Variants in PLAC1 observed in about 807,000 individuals in gnomAD.
The protein encoded by PLAC1 is placenta associated 1, also known as placenta-specific protein 1.
For synonymous variants in PLAC1, 68 were observed against 62.1 expected, an observed-to-expected ratio of 1.09 and a Z score of -0.44; for missense variants, 136 against 163.2, an observed-to-expected ratio of 0.83 and a Z score of 0.91.
At chrX:134,729,566 G>A (rs1044803327) in intron 2 of PLAC1, among the ~76,000 whole-genome samples, 4 of 110,910 alleles carry the variant, frequency 3.6e-5, no homozygotes, top group South Asian at 3.8e-4. Context: ...GTTTCCAAAC[G>A]GGACTGACAC....
chrX:134,623,565 A>G lies in PLAC1; in HGVS notation c.-130-21443T>C, dbSNP rs943252191. ...GAGGCACAGAAAGGTTAATTAACTC[A>G]CTGGAGGTAAACAGCTAGTAAGCAC... On this transcript the variant is annotated intron_variant, in intron 1 of 2. Coordinates refer to ENST00000359237, the MANE Select transcript of PLAC1 (RefSeq NM_021796.4). 2.7e-5 allele frequency among the ~76,000 whole-genome samples: 3 copies of G among 112,221 alleles called. No individual in the cohort carries two copies. In the Admixed American group the frequency reaches 2.8e-4, roughly 11 times the overall value.
intron 1 of PLAC1, among the ~76,000 whole-genome samples, chrX:134,616,351 C>A (rs912255942): frequency 8.9e-6 from 1 of 111,846 alleles, no homozygotes; most frequent in African/African-American, 3.2e-5. Flanking sequence ...GATTGCTTCA[C>A]CTTAGCTGGG....
chrX:134,570,130 G>A (rs948518505), intron 2 of PLAC1, among the ~76,000 whole-genome samples: 9 of 112,014 alleles, frequency 8.0e-5, no homozygotes, highest in Admixed American at 2.8e-4. Flanking sequence ...GAGCCACCAC[G>A]TCCGGCAGGG....
intron 2 of PLAC1, among the ~76,000 whole-genome samples, chrX:134,694,066 G>C (rs1204035344): frequency 1.8e-5 from 2 of 111,132 alleles, no homozygotes; most frequent in Admixed American, 9.6e-5. Context: ...GTCTATAAAT[G>C]ATTTTTTTTT....
chrX:134,697,553 A>G (rs774423136), intron 2 of PLAC1, among the ~76,000 whole-genome samples: 1 of 112,208 alleles, frequency 8.9e-6, no homozygotes, highest in Non-Finnish European at 1.9e-5. Flanking sequence ...CTCAAGGGAT[A>G]CATCTATAAA....
chrX:134,753,907 C>T (rs2078750507), intron 1 of PLAC1, among the ~76,000 whole-genome samples: 1 of 111,305 alleles, frequency 9.0e-6, no homozygotes, highest in African/African-American at 3.3e-5. Context: ...GAGTAGTGTG[C>T]TAAACCATAA....
upstream of PLAC1, among the ~76,000 whole-genome samples, chrX:134,658,847 G>A (rs909087863): frequency 8.9e-6 from 1 of 111,874 alleles, no homozygotes. Context: ...GCAGTCTTTC[G>A]TGTCTTTACT....
intron 2 of PLAC1, among the ~76,000 whole-genome samples, chrX:134,685,553 C>T (rs745732634): frequency 1.1e-5 from 1 of 94,117 alleles, no homozygotes; most frequent in Admixed American, 1.4e-4. Context: ...CATGGAAGAA[C>T]AGGTTAAGAG....
chrX:134,646,426 T>C (rs1943371282), intron 1 of PLAC1, among the ~76,000 whole-genome samples: 1 of 112,570 alleles, frequency 8.9e-6, no homozygotes, highest in South Asian at 3.7e-4. Context: ...TTTCCCTCCT[T>C]TTGGTGCATT....
At chrX:134,758,501 C>T (rs2078762300) in intron 1 of PLAC1, among the ~76,000 whole-genome samples, 1 of 111,971 alleles carries the variant, frequency 8.9e-6, no homozygotes, top group African/African-American at 3.2e-5. Context: ...GCCACATACA[C>T]AGCCAACTGA....
chrX:134,627,985 C>T (rs1471325779), intron 1 of PLAC1, among the ~76,000 whole-genome samples: 1 of 111,162 alleles, frequency 9.0e-6, no homozygotes, highest in Non-Finnish European at 1.9e-5. Flanking sequence ...CCTTGGTTTC[C>T]TCATCTGAAA....
intron 2 of PLAC1, among the ~76,000 whole-genome samples, chrX:134,726,373 C>G (rs1406342577): frequency 8.9e-6 from 1 of 111,735 alleles, no homozygotes; most frequent in Non-Finnish European, 1.9e-5. Flanking sequence ...CACTTCTGCT[C>G]TCACACTACT....
chrX:134,590,012 G>T (rs1026942032), intron 2 of PLAC1, among the ~76,000 whole-genome samples: 1 of 90,441 alleles, frequency 1.1e-5, no homozygotes, highest in Admixed American at 1.3e-4. Flanking sequence ...TGGCTAACAT[G>T]GTGAAAACCC....
chrX:134,582,994 A>G (rs892604103), intron 2 of PLAC1, among the ~76,000 whole-genome samples: 4 of 111,855 alleles, frequency 3.6e-5, no homozygotes, highest in Non-Finnish European at 7.5e-5. Context: ...TAATGAGGAT[A>G]ATAATAATAA....
chrX:134,617,795 A>G (rs2078191859), intron 1 of PLAC1, among the ~76,000 whole-genome samples: 1 of 112,175 alleles, frequency 8.9e-6, no homozygotes, highest in Non-Finnish European at 1.9e-5. Flanking sequence ...GTTATACTCA[A>G]TAAACTCAAT....
chrX:134,656,677 T>G (rs758888005), intron 1 of PLAC1, among the ~76,000 whole-genome samples: 2 of 111,609 alleles, frequency 1.8e-5, no homozygotes, highest in Admixed American at 1.9e-4. Context: ...TTCGATCTCC[T>G]GGGCTCAAGT....
intron 1 of PLAC1, among the ~76,000 whole-genome samples, chrX:134,607,809 C>T (rs775564053): frequency 1.3e-4 from 14 of 110,868 alleles, no homozygotes; most frequent in Non-Finnish European, 2.3e-4. Context: ...GGGCAGCCTC[C>T]GGGAGGTGAG....
chrX:134,728,511 C>T (rs1329535050), intron 2 of PLAC1, among the ~76,000 whole-genome samples: 1 of 111,884 alleles, frequency 8.9e-6, no homozygotes, highest in African/African-American at 3.2e-5. Flanking sequence ...GAAAGGCAAA[C>T]AACTGTCAAC....
intron 1 of PLAC1, among the ~76,000 whole-genome samples, chrX:134,761,878 G>A (rs1054695615): frequency 1.8e-5 from 2 of 111,925 alleles, no homozygotes; most frequent in Non-Finnish European, 3.8e-5. Context: ...GAACCTCAAT[G>A]ATCATCATTT....
Sources: allele counts gnomAD v4.1 joint callset (sites outside exome capture counted in the v4.1 genomes callset), GRCh38; gene constraint gnomAD v4.1.1; transcripts MANE v1.5; gene names NCBI Gene and HGNC (gene_info 2026-07-23, HGNC 2026-07-21).